Variants in GRM1 observed in about 807,000 individuals in gnomAD.
GRM1 encodes the protein glutamate metabotropic receptor 1.
A neutral mutation model predicts 90.9 loss-of-function variants in GRM1; 33 were observed. That is an observed-to-expected ratio of 0.36 (90% CI 0.28 to 0.49). GRM1 has a LOEUF of 0.49. Among genes scored for constraint, GRM1 ranks in the 20% least tolerant of loss-of-function variants. The pLI is 0.99. For synonymous variants in GRM1, 700 were observed against 613.2 expected (o/e 1.14, Z -2.09); for missense variants, 1,190 against 1,534.3 (o/e 0.78, Z 3.75).
At chr6:146,432,008 C>T (rs1277951260) in intron 7 of GRM1, among the ~76,000 whole-genome samples, 2 of 152,158 alleles carry the variant, frequency 1.3e-5, no homozygotes, top group African/African-American at 4.8e-5. Context: ...CCTGTTCTTG[C>T]CAGGGACACC....
chr6:146,053,830 A>G (rs893090189), intron 1 of GRM1, among the ~76,000 whole-genome samples: 1 of 152,048 alleles, frequency 6.6e-6, no homozygotes, highest in Non-Finnish European at 1.5e-5. Flanking sequence ...TATGTACGTG[A>G]TATTATTAGT....
At chr6:146,414,785 C>T (rs1488470954) in intron 7 of GRM1, among the ~76,000 whole-genome samples, 1 of 152,136 alleles carries the variant, frequency 6.6e-6, no homozygotes, top group Non-Finnish European at 1.5e-5. Context: ...CAGTCTTTGA[C>T]TTTTCATTTC....
rs935395057 is a variant in GRM1 at position 146,035,488 on chromosome 6, C to T, written c.700+5271C>T. Among the ~76,000 whole-genome samples, 6 of 151,994 alleles carry T rather than the reference C, an allele frequency of 3.9e-5. No homozygotes were observed. In the East Asian group the frequency reaches 5.8e-4, roughly 15 times the overall value. On this transcript the variant is annotated intron_variant, in intron 1 of 7. Transcript: ENST00000282753. Reference sequence around the variant, plus strand: ...CTTGTTTATCCATAACCTTGATTCTCTAGCTGTCTACTTTATACTTGAGAG... The same window carrying T: ...CTTGTTTATCCATAACCTTGATTCTTTAGCTGTCTACTTTATACTTGAGAG...
chr6:146,247,715 C>A (rs1781110409), intron 2 of GRM1, among the ~76,000 whole-genome samples: 1 of 146,888 alleles, frequency 6.8e-6, no homozygotes, highest in Admixed American at 6.9e-5. Flanking sequence ...TGTGCCACTG[C>A]TCCCTAGCCT....
At chr6:146,051,018 C>G (rs1791504301) in intron 1 of GRM1, among the ~76,000 whole-genome samples, 1 of 151,864 alleles carries the variant, frequency 6.6e-6, no homozygotes, top group African/African-American at 2.4e-5. Context: ...ATTTTGGTTC[C>G]TCCATTTGTA....
intron 1 of GRM1, among the ~76,000 whole-genome samples, chr6:146,042,747 T>A (rs1420212214): frequency 6.6e-6 from 1 of 152,046 alleles, no homozygotes; most frequent in Non-Finnish European, 1.5e-5. Context: ...TTTGACATTC[T>A]CTTCACTATT....
At position 146,181,465 on chromosome 6, in the gene GRM1, A is replaced by G. The variant is rs1041800684; in HGVS notation, c.950+21868A>G. Among the ~76,000 whole-genome samples the G allele has an allele frequency of 4.6e-5, 7 of 152,322 alleles. No homozygotes were observed. The East Asian group carries it at 1.3e-3, about 29-fold the overall frequency. On this transcript the variant is annotated intron_variant, in intron 2 of 7. Coordinates refer to ENST00000282753, the MANE Select transcript of GRM1 (RefSeq NM_001278064.2). ...CAAGTGAGAAAAGAACATTTCAAAA[A>G]GAAGATCAAGGTCCTTAACTCCTTA...
chr6:146,153,921 T>C (rs951879332), intron 1 of GRM1, among the ~76,000 whole-genome samples: 11 of 152,200 alleles, frequency 7.2e-5, no homozygotes, highest in African/African-American at 2.7e-4. Context: ...TTTAATTGCT[T>C]TTTGCTACTA....
At chr6:146,420,261 A>G (rs1777942826) in intron 7 of GRM1, among the ~76,000 whole-genome samples, 1 of 152,368 alleles carries the variant, frequency 6.6e-6, no homozygotes, top group East Asian at 1.9e-4. Context: ...ACACATGATC[A>G]AGGCTCCCTG....
rs547448972 is a variant in GRM1, at chr6:146,294,823, A to G, written c.951-9788A>G. On this transcript the variant is annotated intron_variant, in intron 2 of 7. Coordinates refer to ENST00000282753, the MANE Select transcript of GRM1 (RefSeq NM_001278064.2). ...AGATTTATGCCTGAAAATAAGTTGT[A>G]TCTTACATTACTATAACAACCTCTA... is the stretch of plus-strand genomic sequence containing the variant. Among the ~76,000 whole-genome samples the G allele has an allele frequency of 2.0e-5, 3 of 152,306 alleles. No individual in the cohort carries two copies. In the South Asian group the frequency reaches 6.2e-4, roughly 32 times the overall value.
intron 5 of GRM1, among the ~76,000 whole-genome samples, chr6:146,378,373 G>A (rs1272341758): frequency 6.6e-6 from 1 of 152,196 alleles, no homozygotes; most frequent in Non-Finnish European, 1.5e-5. Context: ...AAGCAGCCAG[G>A]AGTGGGGCTG....
intron 1 of GRM1, among the ~76,000 whole-genome samples, chr6:146,118,159 A>G (rs1292764489): frequency 5.1e-5 from 2 of 38,856 alleles, no homozygotes; most frequent in African/African-American, 9.7e-5. Flanking sequence ...TTTTTTTTTG[A>G]GTCGGAGTCT....
chr6:146,208,715 C>G (rs573610024), intron 2 of GRM1, among the ~76,000 whole-genome samples: 1 of 152,200 alleles, frequency 6.6e-6, no homozygotes, highest in Non-Finnish European at 1.5e-5. Context: ...AACAGACACA[C>G]ACAAATAGTT....
chr6:146,271,574 C>T (rs1033527497), intron 2 of GRM1, among the ~76,000 whole-genome samples: 2 of 152,156 alleles, frequency 1.3e-5, no homozygotes, highest in Admixed American at 6.5e-5. Context: ...GAACATTTAC[C>T]TTATTCCAAC....
At chr6:146,037,143 G>A (rs964450833) in intron 1 of GRM1, among the ~76,000 whole-genome samples, 8 of 152,050 alleles carry the variant, frequency 5.3e-5, no homozygotes, top group South Asian at 4.1e-4. Flanking sequence ...AGAACAAGAA[G>A]ATGGTACCCA....
intron 1 of GRM1, among the ~76,000 whole-genome samples, chr6:146,045,915 CTCTT>C (rs1258412314): frequency 2.0e-5 from 3 of 151,892 alleles, no homozygotes; most frequent in Non-Finnish European, 4.4e-5. Context: ...CTCAATCACT[CTCTT>C]TATATGAATA....
intron 1 of GRM1, among the ~76,000 whole-genome samples, chr6:146,061,589 G>A (rs528102075): frequency 3.3e-5 from 5 of 151,914 alleles, no homozygotes; most frequent in Non-Finnish European, 5.9e-5. Flanking sequence ...GCTAATATCC[G>A]GAATCTACAA....
intron 2 of GRM1, among the ~76,000 whole-genome samples, chr6:146,198,214 A>C (rs1779184842): frequency 6.6e-6 from 1 of 152,236 alleles, no homozygotes; most frequent in African/African-American, 2.4e-5. Flanking sequence ...CTGCTTTAGC[A>C]ATGCCACATC....
At chr6:146,426,614 C>T (rs1374962352) in intron 7 of GRM1, 2 of 1,574,126 alleles carry the variant, frequency 1.3e-6, no homozygotes, top group Admixed American at 1.7e-5. Flanking sequence ...ACATGTGCAG[C>T]TTTGAAAACC....
Sources: gnomAD v4.1 joint callset for allele counts (sites outside exome capture counted in the v4.1 genomes callset) on GRCh38, gnomAD v4.1.1 for gene constraint, MANE v1.5 for transcripts, NCBI Gene and HGNC (gene_info 2026-07-23, HGNC 2026-07-21) for gene names.